The following FRMD3 variants were observed in gnomAD, a reference collection of about 807,000 sequenced individuals.
The protein encoded by FRMD3 is FERM domain-containing protein 3.
Under a neutral mutation model 70.2 loss-of-function variants are expected in FRMD3, and 33 were observed. The ratio of observed to expected loss-of-function variants is 0.47; its 90% CI spans 0.36 to 0.63. The LOEUF (loss-of-function observed/expected upper bound fraction) is 0.63. Among genes scored for constraint, FRMD3 ranks in the 20% least tolerant of loss-of-function variants. The probability of loss-of-function intolerance (pLI) is 0.00; values close to 1 mark genes in which losing one functional copy is unlikely to be tolerated. For synonymous variants in FRMD3, 279 were observed against 255.9 expected (o/e 1.09, Z -0.86); for missense variants, 632 against 711.4 (o/e 0.89, Z 1.27).
rs936206339 is a variant in FRMD3 at position 83,513,790 on chromosome 9, C to G, written c.147+24295G>C. On this transcript the variant is annotated intron_variant, in intron 1 of 13. Transcript: ENST00000304195. Reference sequence around the variant, plus strand: ...GTTCATCTCATTGGAACTGGTTAGACAGTGGGTGCAGCCCACAGAAGGTGA... The same window carrying G: ...GTTCATCTCATTGGAACTGGTTAGAGAGTGGGTGCAGCCCACAGAAGGTGA... 3.9e-5 allele frequency among the ~76,000 whole-genome samples: 6 copies of G among 152,258 alleles called. No individual in the cohort carries two copies. The South Asian group carries it at 1.0e-3, about 26-fold the overall frequency.
intron 6 of FRMD3, among the ~76,000 whole-genome samples, chr9:83,322,059 T>G (rs1238253678): frequency 6.6e-6 from 1 of 152,056 alleles, no homozygotes; most frequent in Non-Finnish European, 1.5e-5. Context: ...GAGTGCAGCC[T>G]AGTGTTAAAC....
intron 6 of FRMD3, among the ~76,000 whole-genome samples, chr9:83,328,080 T>A (rs10115612): frequency 0.35 from 52,752 of 151,812 alleles, 9,663 homozygotes; most frequent in African/African-American, 0.46. Context: ...AAGATATTAG[T>A]GCACAATGCA....
chr9:83,261,942 G>A (rs966813532), intron 13 of FRMD3, among the ~76,000 whole-genome samples: 11 of 152,184 alleles, frequency 7.2e-5, no homozygotes, highest in African/African-American at 2.2e-4. Flanking sequence ...TGCAGATATT[G>A]TGTGGAGAGG....
chr9:83,545,070 A>G, the FRMD3 span, among the ~76,000 whole-genome samples: 1 of 152,306 alleles, frequency 6.6e-6, no homozygotes, highest in African/African-American at 2.4e-5. Context: ...AGAATTAAAA[A>G]TATAGATTGT....
intron 1 of FRMD3, among the ~76,000 whole-genome samples, chr9:83,392,962 C>A (rs538631333): frequency 6.6e-6 from 1 of 152,240 alleles, no homozygotes; most frequent in Admixed American, 6.5e-5. Flanking sequence ...AGAGCTGTTA[C>A]CTAAATTATG....
the FRMD3 span, among the ~76,000 whole-genome samples, chr9:83,569,824 T>C: frequency 1.1e-4 from 17 of 152,240 alleles, no homozygotes; most frequent in African/African-American, 4.1e-4. Context: ...CTCCTTGACA[T>C]GGTTTGGCTG....
Position 83,247,893 on chromosome 9 carries a change from C to T in FRMD3, c.*25G>A. On this transcript the variant is annotated 3_prime_UTR_variant, in exon 14 of 14. Transcript: ENST00000304195. The stretch of plus-strand genomic sequence containing the variant: ...AAGAAATCACTAGCATTGAATATAG[C>T]CCTTAGTCACGTGAGAGATTAACTT... 16 of 1,609,746 alleles carry T rather than the reference C, an allele frequency of 9.9e-6. No individual in the cohort carries two copies. Among genetic ancestry groups the T allele is most frequent in the Non-Finnish European group, 1.3e-5 (15 of 1,177,148 alleles).
intron 1 of FRMD3, among the ~76,000 whole-genome samples, chr9:83,463,565 C>T (rs1006581727): frequency 1.3e-5 from 2 of 152,156 alleles, no homozygotes; most frequent in Non-Finnish European, 2.9e-5. Flanking sequence ...GATTCAATTA[C>T]CTCCCACCAG....
Position 83,245,264 on chromosome 9 carries a change from T to TATCTC in FRMD3, c.*2649_*2653dup, listed in dbSNP as rs1832038114. ...ACTCACACACTTGCTTTAAACTCTA[T>TATCTC]ATCTCACTCTATAATATACTGTCCA... is the stretch of plus-strand genomic sequence containing the variant. On this transcript the variant is annotated 3_prime_UTR_variant, in exon 14 of 14. Transcript: ENST00000304195. 1.2e-5 allele frequency: 12 copies of TATCTC among 985,376 alleles called. No individual in the cohort carries two copies. The highest frequency in any genetic ancestry group is 1.3e-5 in the Non-Finnish European group (11 of 829,862). 61.0% of individuals were successfully genotyped at this position (985,376 alleles called of 1,614,324 possible). A position where few individuals can be genotyped will look rare whatever the true frequency, so the allele number is the denominator to read the frequency against.
intron 1 of FRMD3, among the ~76,000 whole-genome samples, chr9:83,407,544 T>C (rs1826138973): frequency 6.6e-6 from 1 of 152,188 alleles, no homozygotes. Flanking sequence ...GAATGAAAAT[T>C]AGTAGCTGGT....
chr9:83,389,290 T>C (rs140226702), intron 2 of FRMD3, among the ~76,000 whole-genome samples: 9 of 152,078 alleles, frequency 5.9e-5, no homozygotes, highest in African/African-American at 2.2e-4. Flanking sequence ...AGGGGTGATA[T>C]TCTCCATAGT....
chr9:83,465,050 C>T (rs62560302), intron 1 of FRMD3, among the ~76,000 whole-genome samples: 5 of 57,762 alleles, frequency 8.7e-5, no homozygotes, highest in Non-Finnish European at 2.4e-4. Context: ...GAAGAAGAAG[C>T]AGCAGCTTAA....
intron 1 of FRMD3, among the ~76,000 whole-genome samples, chr9:83,452,975 C>T (rs751723867): frequency 2.6e-5 from 4 of 151,296 alleles, no homozygotes; most frequent in Admixed American, 6.6e-5. Flanking sequence ...TTGCCTCAGC[C>T]TCTTGAGTAG....
At chr9:83,328,574 A>T (rs888603127) in intron 6 of FRMD3, among the ~76,000 whole-genome samples, 2 of 152,346 alleles carry the variant, frequency 1.3e-5, no homozygotes, top group Non-Finnish European at 1.5e-5. Context: ...ACTGTCTTTG[A>T]CTAATAAAAA....
chr9:83,581,880 G>A, the FRMD3 span, among the ~76,000 whole-genome samples: 5 of 152,216 alleles, frequency 3.3e-5, no homozygotes, highest in South Asian at 2.1e-4. Flanking sequence ...CAAAATAGCC[G>A]GCAGAGTGGT....
chr9:83,482,608 T>C (rs1329191497), intron 1 of FRMD3, among the ~76,000 whole-genome samples: 2 of 152,244 alleles, frequency 1.3e-5, no homozygotes, highest in African/African-American at 4.8e-5. Context: ...AAGACGATGA[T>C]TGGTATACAC....
intron 1 of FRMD3, among the ~76,000 whole-genome samples, chr9:83,507,686 A>C (rs1313209174): frequency 6.5e-5 from 2 of 30,610 alleles, no homozygotes; most frequent in Non-Finnish European, 1.1e-4. Flanking sequence ...AAAAAAATAT[A>C]CATACATATA....
At chr9:83,403,713 C>T (rs569463244) in intron 1 of FRMD3, among the ~76,000 whole-genome samples, 1 of 152,286 alleles carries the variant, frequency 6.6e-6, no homozygotes, top group South Asian at 2.1e-4. Flanking sequence ...TTACTGAGCA[C>T]TAACTATAAA....
the FRMD3 span, among the ~76,000 whole-genome samples, chr9:83,558,725 G>A: frequency 6.6e-6 from 1 of 152,166 alleles, no homozygotes; most frequent in Non-Finnish European, 1.5e-5. Flanking sequence ...CACCATTCTA[G>A]ATGCCATTAA....
Sources: gnomAD v4.1 joint callset for allele counts (sites outside exome capture counted in the v4.1 genomes callset) on GRCh38, gnomAD v4.1.1 for gene constraint, MANE v1.5 for transcripts, NCBI Gene and HGNC (gene_info 2026-07-23, HGNC 2026-07-21) for gene names.